TNK2: variants seen among roughly 807,000 people sequenced by gnomAD.
TNK2 encodes the protein tyrosine kinase non receptor 2.
TNK2 carries 83 observed loss-of-function variants against 101.8 expected under a neutral mutation model. The ratio of observed to expected loss-of-function variants is 0.82; its 90% CI spans 0.68 to 0.98. The LOEUF (loss-of-function observed/expected upper bound fraction) is 0.98. Among genes scored for constraint, TNK2 ranks in the 50% least tolerant of loss-of-function variants. The pLI is 0.00. For synonymous variants in TNK2, 804 were observed against 633.0 expected (o/e 1.27, Z -4.06); for missense variants, 1,665 against 1,483.2 (o/e 1.12, Z -2.01).
At chr3:195,900,796 T>C (rs1435055067) in intron 1 of TNK2, among the ~76,000 whole-genome samples, 2 of 152,180 alleles carry the variant, frequency 1.3e-5, no homozygotes, top group African/African-American at 4.8e-5. Context: ...GGATGTGGTC[T>C]AGCTCCCAGC....
In TNK2 at chr3:195,891,544, C is replaced by T. The variant is rs11923784; in HGVS notation, c.-18-2938G>A. On this transcript the variant is annotated intron_variant, in intron 1 of 15. Coordinates refer to ENST00000672887, the MANE Select transcript of TNK2 (RefSeq NM_001382273.1). ...AGGCGTGGGGTTTAAGAGGACCAGG[C>T]GTCGTGGCTTTCCGGAAGCAAGCCC... is the stretch of plus-strand genomic sequence containing the variant. Among the ~76,000 whole-genome samples, 219 of 152,320 alleles carry T rather than the reference C, an allele frequency of 1.4e-3. 1 individual carries two copies. Among genetic ancestry groups the T allele is most frequent in the African/African-American group, 5.1e-3 (211 of 41,554 alleles).
At position 195,867,652 on chromosome 3, in the gene TNK2, G is replaced by A; in HGVS notation, c.2646C>T (p.Ser882=). The A allele has an allele frequency of 1.2e-6, 2 of 1,604,184 alleles. No homozygotes were observed. Among genetic ancestry groups the A allele is most frequent in the Non-Finnish European group, 1.7e-6 (2 of 1,179,620 alleles). The change falls in exon 13 of 16, where the codon TCC becomes TCT. Residue 882 remains serine, a synonymous_variant. Coordinates refer to ENST00000672887, the MANE Select transcript of TNK2 (RefSeq NM_001382273.1). The stretch of plus-strand genomic sequence containing the variant: ...GGAAGCGCTGGTAGCGCTCCAGGTA[G>A]GATGGTCGCTCGGGCAGCAAGTAAT... ...THYYLLPERP[S]YLERYQRFLR... is the part of the protein sequence containing the mutation.
In TNK2 at chr3:195,878,302, C is replaced by T. The variant is rs1199323322; in HGVS notation, c.1207G>A (p.Asp403Asn). ...MRALQDFEEP[D>N]KLHIQMNDVI... ...TCATTCATCTGGATGTGCAGCTTGT[C>T]CGGTTCCTCAAAGTCCTGAAGGGCC... Residue 403 changes from aspartate to asparagine, a missense_variant, in exon 9 of 16, where the codon GAC (aspartate) becomes AAC (asparagine). Transcript: ENST00000672887. This position sits in a 1 kb window ranked among gnomAD's most constrained non-coding sequence, Gnocchi z 4.7. The T allele has an allele frequency of 1.2e-6, 2 of 1,614,056 alleles. No homozygotes were observed. Among genetic ancestry groups the T allele is most frequent in the Admixed American group, 3.3e-5 (2 of 60,026 alleles).
intron 9 of TNK2, chr3:195,876,352 C>T (rs991504191): frequency 2.6e-5 from 12 of 453,128 alleles, no homozygotes; most frequent in African/African-American, 8.0e-5. Flanking sequence ...GACACAGCTT[C>T]GCAAGTGGGA....
chr3:195,877,666 G>T (rs952244844), intron 9 of TNK2, among the ~76,000 whole-genome samples: 1 of 152,178 alleles, frequency 6.6e-6, no homozygotes, highest in Non-Finnish European at 1.5e-5. Flanking sequence ...CAGGGCAGGC[G>T]CTAGAACTGC....
intron 9 of TNK2, among the ~76,000 whole-genome samples, chr3:195,875,874 G>C (rs1460384554): frequency 6.6e-6 from 1 of 152,216 alleles, no homozygotes; most frequent in Non-Finnish European, 1.5e-5. Context: ...CCGGTGCTGA[G>C]AACTGCCTAA....
chr3:195,883,335 C>T (rs367850060), intron 4 of TNK2, 26 bp from the exon 5 acceptor site: 3 of 1,610,992 alleles, frequency 1.9e-6, no homozygotes, highest in Non-Finnish European at 2.5e-6. Context: ...TTTGCAAGGA[C>T]TCAGGACTTG....
Position 195,882,131 on chromosome 3 carries a change from C to T in TNK2, c.807G>A (p.Gly269=), listed in dbSNP as rs367651706. 26 of 1,613,856 alleles carry T rather than the reference C, an allele frequency of 1.6e-5. No homozygotes were observed. Among genetic ancestry groups the T allele is most frequent in the South Asian group, 2.2e-5 (2 of 91,082 alleles). The part of the protein sequence containing the change: ...LLATRDLVKI[G]DFGLMRALPQ... ...GTAGTGCTCGCATCAGCCCAAAGTC[C>T]CCGATCTTGACCAGGTCGCGGGTAG... The change falls in exon 6 of 16, where the codon GGG becomes GGA. Residue 269 remains glycine (G), a synonymous_variant. Transcript: ENST00000672887. The surrounding 1 kb of genome is among the most constrained non-coding windows in gnomAD (Gnocchi z 4.2).
Position 195,869,019 on chromosome 3 carries a change from G to A in TNK2, c.1589-310C>T, listed in dbSNP as rs367925447. 2.7e-4 allele frequency: 125 copies of A among 466,276 alleles called. 1 individual carries two copies. Among genetic ancestry groups the A allele is most frequent in the South Asian group, 2.3e-3 (67 of 29,406 alleles). The allele number at this position is 466,276 out of a possible 1,614,324, so 28.9% of individuals were successfully genotyped here. On this transcript the variant is annotated intron_variant, in intron 12 of 15. Coordinates refer to ENST00000672887, the MANE Select transcript of TNK2 (RefSeq NM_001382273.1). ...GCCTCCACCAGCACAAGACCCCGGC[G>A]GCCCTGCTCCTGCGCCCTGGCGAGT...
chr3:195,871,153 C>G (rs1745008727), intron 10 of TNK2, among the ~76,000 whole-genome samples: 1 of 150,636 alleles, frequency 6.6e-6, no homozygotes, highest in Admixed American at 6.6e-5. Context: ...TGGAATCCCC[C>G]TGCGGCCAGC....
At chr3:195,864,243 G>C in intron 15 of TNK2, 56 bp from the exon 16 acceptor site, 1 of 1,610,728 alleles carries the variant, frequency 6.2e-7, no homozygotes. Flanking sequence ...GTTCAGCGGG[G>C]CAGGCACCGG....
intron 1 of TNK2, among the ~76,000 whole-genome samples, chr3:195,904,759 TA>T (rs1431250493): frequency 6.6e-6 from 1 of 152,148 alleles, no homozygotes; most frequent in African/African-American, 2.4e-5. Context: ...TACAATAGCA[TA>T]AAAATAGGTA....
rs776174518 is a variant in TNK2 at position 195,884,915 on chromosome 3, G to C, written c.353C>G (p.Thr118Ser). 6.8e-6 allele frequency: 11 copies of C among 1,613,952 alleles called. No individual in the cohort carries two copies. Among genetic ancestry groups the C allele is most frequent in the Non-Finnish European group, 9.3e-6 (11 of 1,179,974 alleles). ...PAGEGPLQSL[T>S]CLIGEKDLRL... ...CAGGTCCTTCTCCCCAATGAGGCAG[G>C]TGAGGCTCTGCAGGGGCCCCTCCCC... The change falls in exon 4 of 16, where the codon ACC becomes AGC. Residue 118 changes from threonine to serine, a missense_variant. Transcript: ENST00000672887.
chr3:195,904,198 C>CA (rs1761506657), intron 1 of TNK2, among the ~76,000 whole-genome samples: 1 of 148,576 alleles, frequency 6.7e-6, no homozygotes, highest in Admixed American at 6.8e-5. Flanking sequence ...GTCGAGGTTG[C>CA]AGTGAGCCAT....
In TNK2 at chr3:195,878,611, A is replaced by G. The variant is rs771511166; in HGVS notation, c.1015-19T>C. ...GCAGGATCTGAAGGTGAGGAGGTGC[A>G]GAGTTTGACGACAAACAGAGCGCCC... On this transcript the variant is annotated intron_variant, in intron 7 of 15. Coordinates refer to ENST00000672887, the MANE Select transcript of TNK2 (RefSeq NM_001382273.1). This position sits in a 1 kb window ranked among gnomAD's most constrained non-coding sequence, Gnocchi z 4.7. The G allele has an allele frequency of 4.4e-6, 7 of 1,606,778 alleles. No homozygotes were observed. The highest frequency in any genetic ancestry group is 1.1e-5 in the South Asian group (1 of 90,948).
At chr3:195,871,254 C>T (rs898034387) in intron 10 of TNK2, among the ~76,000 whole-genome samples, 1 of 152,044 alleles carries the variant, frequency 6.6e-6, no homozygotes, top group Non-Finnish European at 1.5e-5. Flanking sequence ...TCCCAGATGC[C>T]CCTCGGTGGC....
intron 1 of TNK2, chr3:195,892,498 G>A: frequency 6.5e-7 from 1 of 1,535,356 alleles, no homozygotes; most frequent in African/African-American, 1.4e-5. Flanking sequence ...TCTCCACGCA[G>A]CGGGACCCCC....
In TNK2 at chr3:195,882,413, C is replaced by T. The variant is rs567311013; in HGVS notation, c.610-85G>A. The T allele has an allele frequency of 1.9e-6, 3 of 1,580,354 alleles. No individual in the cohort carries two copies. In the African/African-American group the frequency reaches 4.0e-5, roughly 21 times the overall value. ...CCACGCTGGGCCCCCAGTCCCCTTC[C>T]TGAAGGCTTTCCAGAGCCAGGCTGC... On this transcript the variant is annotated intron_variant, in intron 5 of 15. Transcript: ENST00000672887. This position sits in a 1 kb window ranked among gnomAD's most constrained non-coding sequence, Gnocchi z 4.2.
In TNK2 at chr3:195,882,499, TC is replaced by T; in HGVS notation, c.610-172del. ...GGAGTCCTGCAGTTTCTCAGGCCTC[TC>T]CCTCGAGGCAATTTGGGAAACTGAT... On this transcript the variant is annotated intron_variant, in intron 5 of 15. Coordinates refer to ENST00000672887, the MANE Select transcript of TNK2 (RefSeq NM_001382273.1). This position sits in a 1 kb window ranked among gnomAD's most constrained non-coding sequence, Gnocchi z 4.2. 1 of 1,539,024 alleles carries T rather than the reference TC, an allele frequency of 6.5e-7. No individual in the cohort carries two copies.
Sources: allele counts gnomAD v4.1 joint callset (sites outside exome capture counted in the v4.1 genomes callset), GRCh38; gene constraint gnomAD v4.1.1; non-coding constraint Gnocchi (gnomAD v3.1); transcripts MANE v1.5; gene names NCBI Gene and HGNC (gene_info 2026-07-23, HGNC 2026-07-21).